Variants in TG observed in about 807,000 individuals in gnomAD.
TG encodes the protein thyroid hormones.
In TG, 270 loss-of-function variants were observed where a neutral mutation model predicts 324.7. The observed-to-expected ratio is 0.83, with a 90% confidence interval of 0.75 to 0.92. The LOEUF is 0.92. Among genes scored for constraint, TG ranks in the 40% least tolerant of loss-of-function variants. TG has a pLI of 0.00. For missense variants in TG, 3,591 were observed against 3,456.4 expected (o/e 1.04, Z -0.98); for synonymous variants, 1,401 against 1,327.0 (o/e 1.06, Z -1.21).
chr8:133,132,079 T>G, intron 46 of TG, 133 bp downstream of exon 46: 1 of 1,370,802 alleles, frequency 7.3e-7, no homozygotes, highest in Non-Finnish European at 1.0e-6. Context: ...CACCAGCCAC[T>G]GGCCTCCCTG....
At chr8:132,941,250 G>A in intron 25 of TG, 101 bp from the exon 26 acceptor site, 2 of 1,409,714 alleles carry the variant, frequency 1.4e-6, no homozygotes, top group Non-Finnish European at 2.0e-6. Flanking sequence ...CTGGAGCACT[G>A]TTGCAGCTAA....
intron 38 of TG, among the ~76,000 whole-genome samples, chr8:133,018,915 G>A (rs571554812): frequency 2.6e-5 from 4 of 152,272 alleles, no homozygotes; most frequent in African/African-American, 7.2e-5. Context: ...GGTGGCAGTC[G>A]GAGTGGAAAG....
At chr8:133,003,923 T>G (rs1354884259) in intron 35 of TG, among the ~76,000 whole-genome samples, 1 of 152,234 alleles carries the variant, frequency 6.6e-6, no homozygotes, top group Non-Finnish European at 1.5e-5. Flanking sequence ...TGGCCCTCTG[T>G]GAACCTCACT....
Position 132,961,057 on chromosome 8 carries a change from G to T in TG, c.5451G>T (p.Gln1817His). Residue 1817 changes from glutamine to histidine, a missense_variant, in exon 28 of 48, where the codon CAG becomes CAT. Transcript: ENST00000220616. ...GTQDTFTNFQ[Q>H]VYLWKDSDMG... ...AAGACACCTTTACCAATTTTCAGCA[G>T]GTTTATCTCTGGAAAGGTGAGCTCC... 8 of 1,614,010 alleles carry T rather than the reference G, an allele frequency of 5.0e-6. No individual in the cohort carries two copies. Among genetic ancestry groups the T allele is most frequent in the Non-Finnish European group, 6.8e-6 (8 of 1,179,958 alleles).
chr8:133,117,328 T>C (rs574207432), intron 45 of TG, among the ~76,000 whole-genome samples: 1 of 152,330 alleles, frequency 6.6e-6, no homozygotes, highest in East Asian at 1.9e-4. Context: ...TTGGGTTTCA[T>C]AGCTCTAATA....
intron 34 of TG, among the ~76,000 whole-genome samples, chr8:132,982,457 G>A (rs569089915): frequency 4.7e-4 from 72 of 152,262 alleles, no homozygotes; most frequent in African/African-American, 1.5e-3. Context: ...TCACATACTG[G>A]GTATGAATGG....
At position 132,908,124 on chromosome 8, in the gene TG, C is replaced by T. The variant is rs2132344528; in HGVS notation, c.3848-62C>T. ...AGGGTTATTTTTGCAGAGGAAATCC[C>T]AAACAAAGAAAATAACTCTACAGGC... On this transcript the variant is annotated intron_variant, in intron 17 of 47. Coordinates refer to ENST00000220616, the MANE Select transcript of TG (RefSeq NM_003235.5). 8.8e-6 allele frequency: 14 copies of T among 1,597,050 alleles called. 1 individual carries two copies. Among genetic ancestry groups the T allele is most frequent in the Non-Finnish European group, 1.2e-5 (14 of 1,169,884 alleles).
chr8:133,069,414 A>C (rs1343490852), intron 41 of TG, among the ~76,000 whole-genome samples: 1 of 152,184 alleles, frequency 6.6e-6, no homozygotes, highest in Non-Finnish European at 1.5e-5. Flanking sequence ...CACACTCTAC[A>C]GCTCCCAGGC....
chr8:133,049,947 C>T lies in TG; in HGVS notation c.7239+19924C>T, dbSNP rs554349415. 19 of 1,613,710 alleles carry T rather than the reference C, an allele frequency of 1.2e-5. No individual in the cohort carries two copies. The highest frequency in any genetic ancestry group is 1.1e-4 in the African/African-American group (8 of 75,034). ...ACATATTCCAGGGATGTAACTCTCT[C>T]GACCAGTGCTAAGAGAAATAGCTTT... On this transcript the variant is annotated intron_variant, in intron 41 of 47. Transcript: ENST00000220616.
At chr8:132,938,464 C>A (rs896800960) in intron 25 of TG, among the ~76,000 whole-genome samples, 1 of 152,164 alleles carries the variant, frequency 6.6e-6, no homozygotes, top group African/African-American at 2.4e-5. Context: ...CTACATGTGA[C>A]ATCAAAGTGG....
At chr8:132,971,327 C>T (rs1236139793) in intron 32 of TG, among the ~76,000 whole-genome samples, 1 of 152,168 alleles carries the variant, frequency 6.6e-6, no homozygotes, top group Non-Finnish European at 1.5e-5. Flanking sequence ...AGCACAGGCT[C>T]GGCTCTGGCT....
At chr8:132,916,205 A>G (rs1820264282) in intron 20 of TG, among the ~76,000 whole-genome samples, 1 of 152,194 alleles carries the variant, frequency 6.6e-6, no homozygotes. Context: ...CTTCTGAAAA[A>G]TAGGGATAAT....
chr8:132,942,314 TA>T (rs1238098198), intron 26 of TG, among the ~76,000 whole-genome samples: 1 of 152,248 alleles, frequency 6.6e-6, no homozygotes, highest in African/African-American at 2.4e-5. Flanking sequence ...ATGCTGCGTA[TA>T]GATTTGGCTC....
At chr8:132,935,451 C>G (rs1161894660) in intron 24 of TG, among the ~76,000 whole-genome samples, 1 of 152,002 alleles carries the variant, frequency 6.6e-6, no homozygotes, top group Non-Finnish European at 1.5e-5. Flanking sequence ...GCCCAGCAAA[C>G]TCATTAATAT....
chr8:133,111,386 G>A (rs1190933737), intron 43 of TG, among the ~76,000 whole-genome samples: 3 of 152,162 alleles, frequency 2.0e-5, no homozygotes, highest in Non-Finnish European at 2.9e-5. Flanking sequence ...ATGCTTCCTC[G>A]AAACATATGT....
chr8:133,124,950 T>A (rs980616127), intron 45 of TG, among the ~76,000 whole-genome samples: 3 of 152,202 alleles, frequency 2.0e-5, no homozygotes, highest in Non-Finnish European at 4.4e-5. Flanking sequence ...ACGAAGTGGA[T>A]AGATTATTGA....
At chr8:133,032,643 T>A (rs567617440) in intron 41 of TG, among the ~76,000 whole-genome samples, 4 of 152,242 alleles carry the variant, frequency 2.6e-5, no homozygotes, top group Non-Finnish European at 4.4e-5. Flanking sequence ...TACTTCAATA[T>A]ATTAGCAGTT....
chr8:132,892,913 TGTG>T (rs1036368747), intron 10 of TG, among the ~76,000 whole-genome samples: 11 of 147,268 alleles, frequency 7.5e-5, no homozygotes, highest in African/African-American at 2.5e-4. Context: ...GTGTGTGTGG[TGTG>T]GTGTGTGTGT....
chr8:132,894,135 A>G (rs1354997957), intron 11 of TG, among the ~76,000 whole-genome samples: 1 of 152,118 alleles, frequency 6.6e-6, no homozygotes, highest in East Asian at 1.9e-4. Context: ...TTAATTCTCC[A>G]GCGAATCTAC....
Sources: allele counts gnomAD v4.1 joint callset (sites outside exome capture counted in the v4.1 genomes callset), GRCh38; gene constraint gnomAD v4.1.1; transcripts MANE v1.5; gene names NCBI Gene and HGNC (gene_info 2026-07-23, HGNC 2026-07-21).